The following ACSF3 variants were observed in gnomAD, a reference collection of about 807,000 sequenced individuals.
ACSF3 encodes the protein acyl-CoA synthetase family member 3.
ACSF3 carries 78 observed loss-of-function variants against 53.2 expected under a neutral mutation model. That is an observed-to-expected ratio of 1.47 (90% confidence interval 1.22 to 1.77). The LOEUF is 1.77. Ranked by LOEUF, ACSF3 falls within the 40% of genes most tolerant of loss-of-function variation. The pLI is 0.00. For synonymous variants in ACSF3, 414 were observed against 333.1 expected, an observed-to-expected ratio of 1.24 and a Z score of -2.65; for missense variants, 937 against 771.1, an observed-to-expected ratio of 1.22 and a Z score of -2.55.
intron 7 of ACSF3, among the ~76,000 whole-genome samples, chr16:89,124,636 A>G (rs1418722195): frequency 1.3e-5 from 2 of 151,646 alleles, no homozygotes; most frequent in African/African-American, 4.9e-5. Context: ...ACCTGTGCAC[A>G]TACCATGTGT....
intron 1 of ACSF3, 72 bp from the exon 2 acceptor site, chr16:89,098,519 G>C (rs765755113): frequency 2.6e-6 from 1 of 385,058 alleles, no homozygotes; most frequent in Admixed American, 2.9e-5. Context: ...CCCCCATTGA[G>C]TGTTGAGTGT....
chr16:89,096,629 T>C (rs550042374), intron 1 of ACSF3, among the ~76,000 whole-genome samples: 2 of 152,326 alleles, frequency 1.3e-5, no homozygotes, highest in South Asian at 4.1e-4. Context: ...GAGGGGACTT[T>C]GTCAGTATTT....
intron 2 of ACSF3, among the ~76,000 whole-genome samples, chr16:89,099,212 A>T (rs1974972057): frequency 6.6e-6 from 1 of 152,218 alleles, no homozygotes; most frequent in South Asian, 2.1e-4. Flanking sequence ...TCCCGTGGGC[A>T]GTGTCCTCTG....
chr16:89,120,388 C>A (rs1253569830), intron 6 of ACSF3, among the ~76,000 whole-genome samples: 1 of 152,244 alleles, frequency 6.6e-6, no homozygotes, highest in Non-Finnish European at 1.5e-5. Flanking sequence ...GCCCCGGGGC[C>A]ATCAGGGCAA....
intron 10 of ACSF3, chr16:89,148,664 A>G (rs1913556729): frequency 6.6e-6 from 1 of 152,254 alleles, no homozygotes; most frequent in Admixed American, 6.5e-5. Context: ...CCAGGGCCCC[A>G]CTGGGGACTC....
chr16:89,139,815 G>A (rs1031349128), intron 8 of ACSF3, among the ~76,000 whole-genome samples: 9 of 151,996 alleles, frequency 5.9e-5, no homozygotes, highest in East Asian at 1.9e-4. Context: ...GGATGGTCTC[G>A]ATCTCCTGAC....
intron 7 of ACSF3, among the ~76,000 whole-genome samples, chr16:89,127,441 T>C (rs1029282644): frequency 6.6e-6 from 1 of 152,186 alleles, no homozygotes. Flanking sequence ...CATAGCTCAC[T>C]GGAGCCTTGA....
chr16:89,108,938 A>G (rs1447279304), intron 4 of ACSF3, among the ~76,000 whole-genome samples: 5 of 152,152 alleles, frequency 3.3e-5, no homozygotes, highest in Non-Finnish European at 4.4e-5. Context: ...ATGTTTTAAG[A>G]AACTGTCAAA....
In ACSF3 at chr16:89,108,707, T is replaced by C. The variant is rs531029592; in HGVS notation, c.823-3385T>C. Among the ~76,000 whole-genome samples, 56 of 152,340 alleles carry C rather than the reference T, an allele frequency of 3.7e-4. No homozygotes were observed. The South Asian group carries it at 0.011, about 31-fold the overall frequency. ...TCTGAGTTTCATCCATGTTCTACTG[T>C]GTGTATTAATAACTTGTTCCTGAAT... is the stretch of plus-strand genomic sequence containing the variant. On this transcript the variant is annotated intron_variant, in intron 4 of 10. Coordinates refer to ENST00000614302, the MANE Select transcript of ACSF3 (RefSeq NM_001243279.3).
At chr16:89,107,794 C>A (rs1259682270) in intron 4 of ACSF3, among the ~76,000 whole-genome samples, 1 of 152,162 alleles carries the variant, frequency 6.6e-6, no homozygotes, top group African/African-American at 2.4e-5. Flanking sequence ...AGTTCTCAAA[C>A]GTGGCTGCAT....
At chr16:89,108,221 A>ACAG (rs1183319454) in intron 4 of ACSF3, among the ~76,000 whole-genome samples, 10 of 152,208 alleles carry the variant, frequency 6.6e-5, no homozygotes, top group Non-Finnish European at 1.3e-4. Flanking sequence ...TGGGGATGCC[A>ACAG]TCAAACCATA....
chr16:89,132,817 G>A (rs1211716615), intron 7 of ACSF3, among the ~76,000 whole-genome samples: 2 of 152,254 alleles, frequency 1.3e-5, no homozygotes. Context: ...CTGAGGCCTG[G>A]GCCGGTAACA....
chr16:89,118,456 C>G (rs1905750510), intron 6 of ACSF3, among the ~76,000 whole-genome samples: 1 of 152,276 alleles, frequency 6.6e-6, no homozygotes, highest in Non-Finnish European at 1.5e-5. Flanking sequence ...CTCTCAGGCT[C>G]TAACCCCCAC....
At chr16:89,102,465 A>G in intron 3 of ACSF3, 139 bp from the exon 4 acceptor site, 2 of 957,574 alleles carry the variant, frequency 2.1e-6, no homozygotes, top group Non-Finnish European at 1.6e-6. Context: ...GCTAAAGGGG[A>G]GCAACAAAGA....
intron 1 of ACSF3, among the ~76,000 whole-genome samples, chr16:89,098,149 T>A (rs1425515631): frequency 6.6e-6 from 1 of 152,174 alleles, no homozygotes; most frequent in Non-Finnish European, 1.5e-5. Context: ...CCAAGGCCAG[T>A]AGTTGAGGGT....
intron 8 of ACSF3, among the ~76,000 whole-genome samples, chr16:89,137,317 A>T (rs1910753643): frequency 6.7e-6 from 1 of 149,746 alleles, no homozygotes; most frequent in African/African-American, 2.5e-5. Flanking sequence ...CTCACGGGGA[A>T]GGATTGAGGG....
At chr16:89,120,120 C>T (rs1464206603) in intron 6 of ACSF3, among the ~76,000 whole-genome samples, 2 of 152,266 alleles carry the variant, frequency 1.3e-5, no homozygotes, top group African/African-American at 2.4e-5. Context: ...GGCAGCCCTG[C>T]GTGTGCCGGC....
At chr16:89,125,967 C>T (rs182775516) in intron 7 of ACSF3, among the ~76,000 whole-genome samples, 2 of 152,146 alleles carry the variant, frequency 1.3e-5, no homozygotes, top group East Asian at 3.9e-4. Context: ...TCTCCATTTA[C>T]TTAGATCCGC....
At chr16:89,135,623 G>T (rs540350622) in intron 8 of ACSF3, among the ~76,000 whole-genome samples, 2 of 152,226 alleles carry the variant, frequency 1.3e-5, no homozygotes, top group African/African-American at 4.8e-5. Context: ...CCCCATTAGC[G>T]CATGCTGATC....
Sources: gnomAD v4.1 joint callset for allele counts (sites outside exome capture counted in the v4.1 genomes callset) on GRCh38, gnomAD v4.1.1 for gene constraint, MANE v1.5 for transcripts, NCBI Gene and HGNC (gene_info 2026-07-23, HGNC 2026-07-21) for gene names.